The following CTNNA3 variants were observed in gnomAD, a reference collection of about 807,000 sequenced individuals.
CTNNA3 encodes catenin alpha-3.
In CTNNA3, 76 loss-of-function variants were observed where a neutral mutation model predicts 95.7. The ratio of observed to expected loss-of-function variants is 0.79; its 90% CI spans 0.66 to 0.96. The LOEUF is 0.96. Among genes scored for constraint, CTNNA3 ranks in the 40% least tolerant of loss-of-function variants. The pLI, the probability that CTNNA3 is intolerant of heterozygous loss-of-function variation, is 0.00. For synonymous variants in CTNNA3, 431 were observed against 374.4 expected (o/e 1.15, Z -1.74); for missense variants, 1,191 against 1,089.8 (o/e 1.09, Z -1.31).
intron 1 of CTNNA3, among the ~76,000 whole-genome samples, chr10:67,759,184 C>A (rs531671361): frequency 6.6e-6 from 1 of 152,274 alleles, no homozygotes; most frequent in Non-Finnish European, 1.5e-5. Flanking sequence ...TTTCACGATA[C>A]CTTTAATTTA....
intron 11 of CTNNA3, among the ~76,000 whole-genome samples, chr10:66,486,982 T>C (rs1839751236): frequency 1.3e-5 from 2 of 152,046 alleles, no homozygotes; most frequent in East Asian, 3.9e-4. Context: ...CACTTATACA[T>C]GGAATCTAAA....
chr10:67,654,386 A>G (rs778757305), intron 1 of CTNNA3, among the ~76,000 whole-genome samples: 1 of 151,938 alleles, frequency 6.6e-6, no homozygotes, highest in Non-Finnish European at 1.5e-5. Context: ...ACTTTCTAGC[A>G]CTCCATATCA....
intron 15 of CTNNA3, among the ~76,000 whole-genome samples, chr10:66,009,857 T>G (rs7088794): frequency 6.6e-6 from 1 of 152,090 alleles, no homozygotes; most frequent in Non-Finnish European, 1.5e-5. Context: ...GTAGAGAGAC[T>G]AGCCATGGTC....
intron 5 of CTNNA3, among the ~76,000 whole-genome samples, chr10:67,253,779 C>T (rs568195197): frequency 6.6e-6 from 1 of 152,180 alleles, no homozygotes; most frequent in Non-Finnish European, 1.5e-5. Flanking sequence ...TGAACCATGA[C>T]TGGCAGAACA....
At chr10:66,434,376 A>C (rs1444914607) in intron 11 of CTNNA3, among the ~76,000 whole-genome samples, 1 of 151,998 alleles carries the variant, frequency 6.6e-6, no homozygotes, top group East Asian at 1.9e-4. Context: ...TGTAACTTGT[A>C]TTTCTAGGTA....
chr10:67,079,648 G>C (rs1410092206), intron 7 of CTNNA3, among the ~76,000 whole-genome samples: 1 of 152,076 alleles, frequency 6.6e-6, no homozygotes, highest in Non-Finnish European at 1.5e-5. Flanking sequence ...AGGAGTTCAA[G>C]ACCAGCCTGG....
At chr10:65,988,533 G>A (rs1268140029) in intron 16 of CTNNA3, among the ~76,000 whole-genome samples, 159 bp downstream of exon 16, 2 of 151,910 alleles carry the variant, frequency 1.3e-5, no homozygotes, top group African/African-American at 2.4e-5. Context: ...CCTTATAATC[G>A]TCCATTACCT....
chr10:66,009,898 G>A (rs551441526), intron 15 of CTNNA3, among the ~76,000 whole-genome samples: 12 of 152,272 alleles, frequency 7.9e-5, no homozygotes, highest in African/African-American at 1.7e-4. Flanking sequence ...AAAAATATAC[G>A]TGTCGAGAGA....
chr10:66,145,699 A>G (rs1400897303), intron 13 of CTNNA3, among the ~76,000 whole-genome samples: 1 of 152,178 alleles, frequency 6.6e-6, no homozygotes, highest in Non-Finnish European at 1.5e-5. Context: ...AGGGAAGGGA[A>G]TGAGCCTCCA....
intron 12 of CTNNA3, among the ~76,000 whole-genome samples, chr10:66,363,006 C>G (rs1471389072): frequency 6.6e-6 from 1 of 152,068 alleles, no homozygotes; most frequent in Non-Finnish European, 1.5e-5. Context: ...GATCAGATGA[C>G]TTAGTCTTTC....
At chr10:67,659,612 T>C (rs1840122001) in intron 1 of CTNNA3, among the ~76,000 whole-genome samples, 1 of 152,174 alleles carries the variant, frequency 6.6e-6, no homozygotes, top group African/African-American at 2.4e-5. Flanking sequence ...GCTAATCTAA[T>C]ATATGAGACA....
At chr10:67,618,979 T>C (rs1263393768) in intron 2 of CTNNA3, among the ~76,000 whole-genome samples, 2 of 152,292 alleles carry the variant, frequency 1.3e-5, no homozygotes, top group Non-Finnish European at 2.9e-5. Context: ...TACTATCAAC[T>C]ACAACACAAA....
At chr10:67,343,949 T>C (rs1466765298) in intron 5 of CTNNA3, among the ~76,000 whole-genome samples, 2 of 147,962 alleles carry the variant, frequency 1.4e-5, no homozygotes, top group African/African-American at 2.4e-5. Flanking sequence ...ATATTAATTA[T>C]ACTTTATTTT....
intron 11 of CTNNA3, among the ~76,000 whole-genome samples, chr10:66,465,671 C>T (rs756039161): frequency 6.6e-6 from 1 of 152,014 alleles, no homozygotes; most frequent in Non-Finnish European, 1.5e-5. Context: ...TCTGGACTGA[C>T]CTGCTACAAG....
intron 3 of CTNNA3, among the ~76,000 whole-genome samples, chr10:67,603,589 A>C (rs968435601): frequency 6.6e-6 from 1 of 151,488 alleles, no homozygotes; most frequent in Admixed American, 6.6e-5. Flanking sequence ...TTTTAGTAAA[A>C]AAAACTTTAA....
At chr10:65,932,883 C>T (rs924152881) in intron 17 of CTNNA3, among the ~76,000 whole-genome samples, 9 of 152,058 alleles carry the variant, frequency 5.9e-5, no homozygotes, top group African/African-American at 1.9e-4. Flanking sequence ...GAAACATGTG[C>T]CAAATGTGAT....
At chr10:67,277,684 C>T (rs181107237) in intron 5 of CTNNA3, among the ~76,000 whole-genome samples, 1 of 152,196 alleles carries the variant, frequency 6.6e-6, no homozygotes, top group East Asian at 1.9e-4. Flanking sequence ...CGGCCAAAAC[C>T]TACCAAAATG....
chr10:67,635,428 C>A (rs1354225996), intron 2 of CTNNA3, among the ~76,000 whole-genome samples: 6 of 152,128 alleles, frequency 3.9e-5, no homozygotes, highest in African/African-American at 9.7e-5. Flanking sequence ...CAATAATATA[C>A]TGGCAAACTG....
chr10:65,930,866 T>A (rs868307199), intron 17 of CTNNA3, among the ~76,000 whole-genome samples: 11 of 152,200 alleles, frequency 7.2e-5, no homozygotes, highest in Admixed American at 6.5e-5. Flanking sequence ...TTCCAGTATT[T>A]TGTTGGGAAA....
Sources: allele counts gnomAD v4.1 joint callset (sites outside exome capture counted in the v4.1 genomes callset), GRCh38; gene constraint gnomAD v4.1.1; transcripts MANE v1.5; gene names NCBI Gene and HGNC (gene_info 2026-07-23, HGNC 2026-07-21).